The following PFKFB3 variants were observed in gnomAD, a reference collection of about 807,000 sequenced individuals.
The protein encoded by PFKFB3 is 6-phosphofructo-2-kinase/fructose-2,6-bisphosphatase 3.
Under a neutral mutation model 68.0 loss-of-function variants are expected in PFKFB3, and 33 were observed. The observed-to-expected ratio is 0.49, with a 90% CI of 0.37 to 0.65. The LOEUF is 0.65. Among genes scored for constraint, PFKFB3 ranks in the 30% least tolerant of loss-of-function variants. The probability of loss-of-function intolerance (pLI) is 0.00; values close to 1 mark genes in which losing one functional copy is unlikely to be tolerated. For synonymous variants in PFKFB3, 315 were observed against 288.2 expected, an observed-to-expected ratio of 1.09 and a Z score of -0.94; for missense variants, 586 against 712.2, an observed-to-expected ratio of 0.82 and a Z score of 2.02.
chr10:6,321,509 C>T, the PFKFB3 span, among the ~76,000 whole-genome samples: 1 of 152,176 alleles, frequency 6.6e-6, no homozygotes, highest in Non-Finnish European at 1.5e-5. Flanking sequence ...CCCTAAACCC[C>T]AGCCATTGAC....
chr10:6,314,978 G>A, the PFKFB3 span, among the ~76,000 whole-genome samples: 1 of 152,186 alleles, frequency 6.6e-6, no homozygotes, highest in African/African-American at 2.4e-5. Flanking sequence ...CAGGAAGCAT[G>A]GCCAGAAGCC....
chr10:6,227,679 TTGG>T (rs1845446760), intron 14 of PFKFB3, among the ~76,000 whole-genome samples: 1 of 152,106 alleles, frequency 6.6e-6, no homozygotes, highest in Admixed American at 6.6e-5. Flanking sequence ...AGGCCTGGCT[TTGG>T]TGGTAGCTCC....
chr10:6,308,905 T>C, the PFKFB3 span, among the ~76,000 whole-genome samples: 5,445 of 152,302 alleles, frequency 0.036, 148 homozygotes, highest in Middle Eastern at 0.15. Flanking sequence ...AAAAAGAAAC[T>C]AGCAATTTAT....
At chr10:6,181,806 AAAAAAAAAAAAAAG>A (rs1296963353) in intron 1 of PFKFB3, among the ~76,000 whole-genome samples, 2 of 151,600 alleles carry the variant, frequency 1.3e-5, no homozygotes, top group African/African-American at 4.9e-5. Context: ...TAAAAAAAAA[AAAAAAAAAAAAAAG>A]ACAAATACTG....
downstream of PFKFB3, among the ~76,000 whole-genome samples, chr10:6,254,841 A>G (rs1432050491): frequency 5.2e-5 from 6 of 116,266 alleles, no homozygotes; most frequent in African/African-American, 2.0e-4. Context: ...TTTTTGAGAA[A>G]GAATCTCGCT....
rs537419897 is a variant in PFKFB3 at position 6,215,726 on chromosome 10, G to C, written c.300-399G>C. On this transcript the variant is annotated intron_variant, in intron 3 of 14. Transcript: ENST00000379775. The surrounding 1 kb of genome is among the most constrained non-coding windows in gnomAD (Gnocchi z 4.3). ...TTGGAAAGGATTTCTTGTTAAGTGC[G>C]AGTTGATTGTGAAACCCTAGTGCAA... Among the ~76,000 whole-genome samples the C allele has an allele frequency of 2.0e-5, 3 of 152,212 alleles. No homozygotes were observed.
intron 1 of PFKFB3, among the ~76,000 whole-genome samples, chr10:6,204,068 C>A (rs1451552829): frequency 6.6e-6 from 1 of 151,784 alleles, no homozygotes; most frequent in Admixed American, 6.6e-5. Context: ...GCCCCGGGCG[C>A]ACGCACCCCC....
At position 6,154,318 on chromosome 10, in the gene PFKFB3, T is replaced by C. The variant is rs962701384; in HGVS notation, c.16+9305T>C. ...TGGAGTGCAGTGGCGCGTTCTCGGC[T>C]CACTGCAACCTCTGCCTCTCGAGTT... On this transcript the variant is annotated intron_variant, in intron 1 of 14. Coordinates refer to the PFKFB3 transcript ENST00000379789. This position sits in a 1 kb window ranked among gnomAD's most constrained non-coding sequence, Gnocchi z 4.6. 6.6e-6 allele frequency among the ~76,000 whole-genome samples: 1 copy of C among 151,712 alleles called. No homozygotes were observed. The highest frequency in any genetic ancestry group is 1.5e-5 in the Non-Finnish European group (1 of 67,954).
chr10:6,309,100 A>G, the PFKFB3 span, among the ~76,000 whole-genome samples: 6 of 152,198 alleles, frequency 3.9e-5, no homozygotes, highest in Admixed American at 1.3e-4. Context: ...CAGATCCCCA[A>G]TTACAATGTG....
At chr10:6,245,578 A>C (rs1846239994) in intron 14 of PFKFB3, among the ~76,000 whole-genome samples, 1 of 151,996 alleles carries the variant, frequency 6.6e-6, no homozygotes, top group Admixed American at 6.6e-5. Context: ...CACCACACCC[A>C]GCCAATTTTT....
chr10:6,321,442 TCA>T, the PFKFB3 span, among the ~76,000 whole-genome samples: 1 of 152,210 alleles, frequency 6.6e-6, no homozygotes, highest in Admixed American at 6.5e-5. Flanking sequence ...ATTCTGCTTC[TCA>T]GTTTTTTCCT....
intron 1 of PFKFB3, among the ~76,000 whole-genome samples, chr10:6,192,545 G>A (rs1843057809): frequency 2.0e-5 from 3 of 152,106 alleles, no homozygotes; most frequent in Admixed American, 2.0e-4. Context: ...CCTGGCCCCT[G>A]CGGGTCACCC....
rs112384803 is a variant in PFKFB3, at chr10:6,215,924, C to T, written c.300-201C>T. 7.2e-4 allele frequency among the ~76,000 whole-genome samples: 110 copies of T among 152,254 alleles called. No homozygotes were observed. The highest frequency in any genetic ancestry group is 2.4e-3 in the African/African-American group (98 of 41,554). On this transcript the variant is annotated intron_variant, in intron 3 of 14. Coordinates refer to ENST00000379775, the MANE Select transcript of PFKFB3 (RefSeq NM_004566.4). The surrounding 1 kb of genome is among the most constrained non-coding windows in gnomAD (Gnocchi z 4.3). ...GCAGCCCGGTTTGAGCACCGCCTCC[C>T]GAGGGTTCCTGAGGCCACCCGTGTG...
At chr10:6,298,519 C>CA in the PFKFB3 span, among the ~76,000 whole-genome samples, 189 of 152,154 alleles carry the variant, frequency 1.2e-3, 2 homozygotes, top group African/African-American at 4.4e-3. Flanking sequence ...ACTATAGGCA[C>CA]ACTTCCTGGA....
Position 6,228,431 on chromosome 10 carries a change from T to C in PFKFB3, c.1515+2066T>C. ...GGCGGTCATGGTGGCTGCACTACTG[T>C]TGGGTGTGTTCCGACACCGCCGCAC... On this transcript the variant is annotated intron_variant, in intron 14 of 14. Transcript: ENST00000379775. This position sits in a 1 kb window ranked among gnomAD's most constrained non-coding sequence, Gnocchi z 4.5. 2 of 637,992 alleles carry C rather than the reference T, an allele frequency of 3.1e-6. No individual in the cohort carries two copies. The highest frequency in any genetic ancestry group is 2.8e-6 in the Non-Finnish European group (1 of 352,002). 39.5% of individuals were successfully genotyped at this position (637,992 alleles called of 1,614,324 possible). A position where few individuals can be genotyped will look rare whatever the true frequency, so the allele number is the denominator to read the frequency against.
At chr10:6,326,033 G>T in the PFKFB3 span, among the ~76,000 whole-genome samples, 1 of 152,146 alleles carries the variant, frequency 6.6e-6, no homozygotes, top group African/African-American at 2.4e-5. Context: ...TTACAAATGG[G>T]CCAATTCACT....
chr10:6,297,097 C>G, the PFKFB3 span, among the ~76,000 whole-genome samples: 2 of 152,226 alleles, frequency 1.3e-5, no homozygotes, highest in Non-Finnish European at 2.9e-5. Flanking sequence ...TAACACCAAC[C>G]AGGCTTGCCT....
chr10:6,310,658 A>C, the PFKFB3 span, among the ~76,000 whole-genome samples: 1 of 152,194 alleles, frequency 6.6e-6, no homozygotes, highest in African/African-American at 2.4e-5. Context: ...TTATTTTTTT[A>C]AAAGCAACAT....
chr10:6,285,244 T>G, the PFKFB3 span, among the ~76,000 whole-genome samples: 3 of 152,260 alleles, frequency 2.0e-5, no homozygotes, highest in East Asian at 5.8e-4. Context: ...TTTTTGTCTT[T>G]TTTTTTGAGA....
Sources: gnomAD v4.1 joint callset for allele counts (sites outside exome capture counted in the v4.1 genomes callset) on GRCh38, gnomAD v4.1.1 for gene constraint, Gnocchi (gnomAD v3.1) non-coding constraint, MANE v1.5 for transcripts, NCBI Gene and HGNC (gene_info 2026-07-23, HGNC 2026-07-21) for gene names.